The following MAD1L1 variants were observed in gnomAD, a reference collection of about 807,000 sequenced individuals.
MAD1L1 encodes the protein mitotic spindle assembly checkpoint protein MAD1.
A neutral mutation model predicts 96.9 loss-of-function variants in MAD1L1; 95 were observed. The ratio of observed to expected loss-of-function variants is 0.98; its 90% CI spans 0.83 to 1.16. MAD1L1 has a LOEUF of 1.16. MAD1L1 is among the 50% of genes most tolerant of loss of function. The pLI is 0.00. For missense variants in MAD1L1, 1,007 were observed against 954.4 expected (o/e 1.06, Z -0.73); for synonymous variants, 473 against 396.6 (o/e 1.19, Z -2.29).
intron 11 of MAD1L1, among the ~76,000 whole-genome samples, chr7:2,083,020 C>T (rs1049421423): frequency 2.0e-5 from 3 of 152,204 alleles, no homozygotes; most frequent in Non-Finnish European, 2.9e-5. Context: ...CAATCAGGAA[C>T]GGGTGGCACA....
At chr7:2,150,147 G>A (rs949263894) in intron 10 of MAD1L1, among the ~76,000 whole-genome samples, 3 of 152,172 alleles carry the variant, frequency 2.0e-5, no homozygotes, top group Admixed American at 6.5e-5. Flanking sequence ...CGGGGACCCC[G>A]ACATTGGCCA....
chr7:2,106,675 G>A (rs371492369), intron 11 of MAD1L1, among the ~76,000 whole-genome samples: 7 of 152,218 alleles, frequency 4.6e-5, no homozygotes, highest in East Asian at 1.9e-4. Context: ...CGCAAAAGAC[G>A]CCTGCAGCTG....
intron 10 of MAD1L1, among the ~76,000 whole-genome samples, chr7:2,184,896 G>C (rs1253193803): frequency 1.3e-5 from 2 of 152,172 alleles, no homozygotes; most frequent in Non-Finnish European, 2.9e-5. Context: ...CAGCTAGTCG[G>C]GAGGCTGAGG....
chr7:1,948,365 G>A (rs1167110954), intron 16 of MAD1L1, among the ~76,000 whole-genome samples: 1 of 152,108 alleles, frequency 6.6e-6, no homozygotes, highest in East Asian at 1.9e-4. Context: ...TCCGCTCAGG[G>A]CCCTGCCCAG....
At chr7:2,042,645 G>A (rs1232355477) in intron 12 of MAD1L1, among the ~76,000 whole-genome samples, 1 of 152,212 alleles carries the variant, frequency 6.6e-6, no homozygotes, top group African/African-American at 2.4e-5. Context: ...CATCCCGAGT[G>A]AGGAGTGTTG....
chr7:2,092,528 G>A lies in MAD1L1; in HGVS notation c.1074-23190C>T, dbSNP rs559890305. ...CTCACACACCTGCCCTCTGGATATC[G>A]GTGACTGTGTTTTCAACCATGCCCC... is the stretch of plus-strand genomic sequence containing the variant. On this transcript the variant is annotated intron_variant, in intron 11 of 18. Coordinates refer to ENST00000265854, the MANE Select transcript of MAD1L1 (RefSeq NM_001013836.2). Among the ~76,000 whole-genome samples, 34 of 151,402 alleles carry A rather than the reference G, an allele frequency of 2.2e-4. No homozygotes were observed. The South Asian group carries it at 6.7e-3, about 30-fold the overall frequency.
intron 14 of MAD1L1, among the ~76,000 whole-genome samples, chr7:1,996,877 C>T (rs1469147210): frequency 1.1e-5 from 1 of 94,502 alleles, no homozygotes; most frequent in African/African-American, 3.1e-5. Flanking sequence ...GAGCTGAGAG[C>T]GGCGTAATTC....
At chr7:2,106,484 G>A (rs1245083613) in intron 11 of MAD1L1, among the ~76,000 whole-genome samples, 2 of 151,902 alleles carry the variant, frequency 1.3e-5, no homozygotes, top group Non-Finnish European at 2.9e-5. Context: ...CAAGCCAGCA[G>A]GCTCTCCGAG....
chr7:1,849,069 C>CGG (rs1783805864), intron 18 of MAD1L1: 10 of 80,366 alleles, frequency 1.2e-4, no homozygotes, highest in Admixed American at 3.1e-4. Flanking sequence ...CACACACACA[C>CGG]ACACAAATGC....
At chr7:2,125,856 G>A (rs965298023) in intron 11 of MAD1L1, among the ~76,000 whole-genome samples, 6 of 151,186 alleles carry the variant, frequency 4.0e-5, no homozygotes, top group Admixed American at 6.6e-5. Context: ...TCAGGAGAAC[G>A]GACTACCTGA....
intron 18 of MAD1L1, chr7:1,847,155 C>T: frequency 2.5e-6 from 1 of 402,438 alleles, no homozygotes; most frequent in South Asian, 1.9e-5. Flanking sequence ...ACTTTCCCGT[C>T]TGTCCTGGGA....
intron 11 of MAD1L1, among the ~76,000 whole-genome samples, chr7:2,108,110 G>A (rs1787190656): frequency 6.6e-6 from 1 of 151,928 alleles, no homozygotes; most frequent in African/African-American, 2.4e-5. Context: ...GAGCACTAAA[G>A]ATTTTCATTA....
intron 13 of MAD1L1, 56 bp downstream of exon 13, chr7:2,014,446 C>G (rs1379896036): frequency 1.3e-6 from 2 of 1,510,250 alleles, no homozygotes; most frequent in Non-Finnish European, 1.8e-6. Flanking sequence ...TCTGCCAAGG[C>G]CCACCGGGAA....
At chr7:1,953,628 T>C (rs1779597741) in intron 16 of MAD1L1, among the ~76,000 whole-genome samples, 2 of 152,258 alleles carry the variant, frequency 1.3e-5, no homozygotes, top group Admixed American at 1.3e-4. Flanking sequence ...AAGAATAAAG[T>C]GGCGCGGCGG....
intron 13 of MAD1L1, among the ~76,000 whole-genome samples, chr7:2,012,627 G>C (rs1207200002): frequency 1.3e-5 from 2 of 152,230 alleles, no homozygotes; most frequent in East Asian, 1.9e-4. Flanking sequence ...CAGGGCATCA[G>C]AAGAACACAC....
intron 10 of MAD1L1, among the ~76,000 whole-genome samples, chr7:2,203,376 G>C (rs1473973468): frequency 1.3e-5 from 2 of 152,220 alleles, no homozygotes; most frequent in African/African-American, 4.8e-5. Context: ...AACGTTGAAA[G>C]CACACCACCC....
chr7:1,917,930 C>G (rs73288802), intron 17 of MAD1L1, among the ~76,000 whole-genome samples: 3,054 of 152,292 alleles, frequency 0.02, 110 homozygotes, highest in African/African-American at 0.07. Flanking sequence ...GCGGCCCTGA[C>G]TGTGTTGCAT....
chr7:2,048,537 G>A (rs927462523), intron 12 of MAD1L1, among the ~76,000 whole-genome samples: 4 of 152,212 alleles, frequency 2.6e-5, no homozygotes, highest in Non-Finnish European at 5.9e-5. Flanking sequence ...GATTTGTCAG[G>A]AAATAAATTT....
chr7:2,025,411 G>T (rs1224967940), intron 12 of MAD1L1, among the ~76,000 whole-genome samples: 2 of 152,222 alleles, frequency 1.3e-5, no homozygotes, highest in African/African-American at 4.8e-5. Context: ...TAGGCTGGTG[G>T]ATAGGACAGG....
Sources: gnomAD v4.1 joint callset for allele counts (sites outside exome capture counted in the v4.1 genomes callset) on GRCh38, gnomAD v4.1.1 for gene constraint, MANE v1.5 for transcripts, NCBI Gene and HGNC (gene_info 2026-07-23, HGNC 2026-07-21) for gene names.